Variants in CNTNAP2 observed in about 807,000 individuals in gnomAD.
The protein encoded by CNTNAP2 is contactin-associated protein-like 2.
A neutral mutation model predicts 155.2 loss-of-function variants in CNTNAP2; 98 were observed. That is an observed-to-expected ratio of 0.63 (90% confidence interval 0.54 to 0.75). The LOEUF (loss-of-function observed/expected upper bound fraction) is 0.75. Among genes scored for constraint, CNTNAP2 ranks in the 30% least tolerant of loss-of-function variants. The pLI, the probability that CNTNAP2 is intolerant of heterozygous loss-of-function variation, is 0.00. For missense variants in CNTNAP2, 1,727 were observed against 1,688.1 expected, an observed-to-expected ratio of 1.02 and a Z score of -0.40; for synonymous variants, 651 against 631.2, an observed-to-expected ratio of 1.03 and a Z score of -0.47.
Position 148,218,023 on chromosome 7 carries a change from G to A in CNTNAP2, c.3247+499G>A, listed in dbSNP as rs1005069422. 2.6e-5 allele frequency among the ~76,000 whole-genome samples: 4 copies of A among 152,304 alleles called. No homozygotes were observed. In the East Asian group the frequency reaches 7.7e-4, roughly 29 times the overall value. On this transcript the variant is annotated intron_variant, in intron 19 of 23. Coordinates refer to ENST00000361727, the MANE Select transcript of CNTNAP2 (RefSeq NM_014141.6). ...GCCTGTAGTCCCAGCTACTCAGGAG[G>A]CCAAGATGGGAGGATCACTTGAGCC...
intron 1 of CNTNAP2, among the ~76,000 whole-genome samples, chr7:146,624,828 G>C (rs1392800930): frequency 6.6e-6 from 1 of 151,940 alleles, no homozygotes; most frequent in Non-Finnish European, 1.5e-5. Flanking sequence ...TTGACATTTA[G>C]AAGTATTGAG....
chr7:148,295,747 T>G (rs945909031), intron 21 of CNTNAP2, among the ~76,000 whole-genome samples: 1 of 152,016 alleles, frequency 6.6e-6, no homozygotes, highest in Admixed American at 6.5e-5. Context: ...CGCCTCGGCC[T>G]CCCAAAGTGC....
At chr7:148,342,721 A>T (rs1006672158) in intron 21 of CNTNAP2, among the ~76,000 whole-genome samples, 1 of 152,252 alleles carries the variant, frequency 6.6e-6, no homozygotes. Flanking sequence ...GGAAGAAAAG[A>T]TCTGCTAAAT....
At chr7:147,103,940 G>T (rs1224110983) in intron 4 of CNTNAP2, among the ~76,000 whole-genome samples, 1 of 152,024 alleles carries the variant, frequency 6.6e-6, no homozygotes, top group East Asian at 1.9e-4. Flanking sequence ...ATTGGAAACT[G>T]TTGCAGATTA....
chr7:147,669,891 T>C (rs936091489), intron 13 of CNTNAP2, among the ~76,000 whole-genome samples: 1 of 152,178 alleles, frequency 6.6e-6, no homozygotes, highest in Admixed American at 6.5e-5. Flanking sequence ...CACAAACATT[T>C]CACTAACACC....
At chr7:148,122,806 AC>A (rs1173155371) in intron 16 of CNTNAP2, among the ~76,000 whole-genome samples, 1 of 151,990 alleles carries the variant, frequency 6.6e-6, no homozygotes, top group African/African-American at 2.4e-5. Flanking sequence ...CCGAGATCAC[AC>A]CACTGCACTC....
In CNTNAP2 at chr7:146,963,709, G is replaced by A. The variant is rs537364551; in HGVS notation, c.403-80198G>A. Among the ~76,000 whole-genome samples the A allele has an allele frequency of 2.9e-4, 44 of 152,074 alleles. 1 individual carries two copies. The South Asian group carries it at 8.3e-3, about 29-fold the overall frequency. Reference sequence around the variant, plus strand: ...CAAAATTTCATAGTGTTGAAAAATCGATTTGGTGTTTAATATTTATTTAGA... The same window carrying A: ...CAAAATTTCATAGTGTTGAAAAATCAATTTGGTGTTTAATATTTATTTAGA... On this transcript the variant is annotated intron_variant, in intron 3 of 23. Transcript: ENST00000361727.
chr7:147,618,138 G>A (rs374301760), intron 12 of CNTNAP2, among the ~76,000 whole-genome samples: 132 of 152,206 alleles, frequency 8.7e-4, no homozygotes, highest in African/African-American at 2.8e-3. Flanking sequence ...GAATTTATTC[G>A]TTTTATTAAG....
intron 14 of CNTNAP2, among the ~76,000 whole-genome samples, chr7:147,938,892 G>A (rs1800664793): frequency 6.6e-6 from 1 of 152,142 alleles, no homozygotes; most frequent in African/African-American, 2.4e-5. Flanking sequence ...CCAACTGGAG[G>A]CTTAAGGCTA....
intron 1 of CNTNAP2, among the ~76,000 whole-genome samples, chr7:146,215,256 A>G (rs1799095602): frequency 6.6e-6 from 1 of 152,224 alleles, no homozygotes; most frequent in East Asian, 1.9e-4. Context: ...ATACAAAATA[A>G]TACTTGCGTT....
At chr7:147,362,159 G>A (rs540991885) in intron 9 of CNTNAP2, among the ~76,000 whole-genome samples, 2 of 152,262 alleles carry the variant, frequency 1.3e-5, no homozygotes, top group South Asian at 2.1e-4. Flanking sequence ...TTGAGACTAG[G>A]TCTCGCTCTG....
chr7:147,446,387 T>TA lies in CNTNAP2; in HGVS notation c.1671-39548_1671-39547insA, dbSNP rs1797740694. ...TTCTTCTTGCTTTTAGCTGGGAGAG[T>TA]CCTTAAGTGTATCACTGAAAGTGGT... On this transcript the variant is annotated intron_variant, in intron 10 of 23. Coordinates refer to ENST00000361727, the MANE Select transcript of CNTNAP2 (RefSeq NM_014141.6). Among the ~76,000 whole-genome samples the TA allele has an allele frequency of 4.6e-5, 7 of 152,162 alleles. No homozygotes were observed. The South Asian group carries it at 1.5e-3, about 32-fold the overall frequency.
At chr7:147,043,302 T>A (rs1799294214) in intron 3 of CNTNAP2, among the ~76,000 whole-genome samples, 1 of 152,148 alleles carries the variant, frequency 6.6e-6, no homozygotes, top group African/African-American at 2.4e-5. Flanking sequence ...CAATGTGAAC[T>A]TTCAGTATCA....
chr7:147,517,028 ATT>A (rs574784224), intron 11 of CNTNAP2, among the ~76,000 whole-genome samples: 3 of 142,260 alleles, frequency 2.1e-5, no homozygotes, highest in Middle Eastern at 3.3e-3. Flanking sequence ...CACCCAGCTA[ATT>A]TTTTTTTTTT....
At chr7:147,337,930 G>T (rs978733996) in intron 9 of CNTNAP2, among the ~76,000 whole-genome samples, 1 of 152,140 alleles carries the variant, frequency 6.6e-6, no homozygotes, top group Non-Finnish European at 1.5e-5. Flanking sequence ...CATGTCAAGA[G>T]AACTGACCTT....
At chr7:146,403,939 A>C (rs1795749788) in intron 1 of CNTNAP2, among the ~76,000 whole-genome samples, 1 of 151,354 alleles carries the variant, frequency 6.6e-6, no homozygotes, top group Non-Finnish European at 1.5e-5. Flanking sequence ...TCCCGGCTAA[A>C]ACGGCGAAAC....
intron 14 of CNTNAP2, among the ~76,000 whole-genome samples, chr7:147,947,770 A>C (rs531955387): frequency 6.6e-6 from 1 of 152,162 alleles, no homozygotes; most frequent in Admixed American, 6.5e-5. Context: ...AATTTCCTTT[A>C]ATTCAAAGCA....
intron 3 of CNTNAP2, among the ~76,000 whole-genome samples, chr7:146,898,927 C>T (rs545685168): frequency 2.0e-4 from 31 of 152,052 alleles, no homozygotes; most frequent in African/African-American, 5.5e-4. Context: ...CCATTGCAAA[C>T]GCCACTGAAA....
At chr7:147,667,438 A>G (rs1795713803) in intron 13 of CNTNAP2, among the ~76,000 whole-genome samples, 1 of 152,178 alleles carries the variant, frequency 6.6e-6, no homozygotes. Context: ...GAAACTTTTA[A>G]TGATATGGCA....
Sources: gnomAD v4.1 joint callset for allele counts (sites outside exome capture counted in the v4.1 genomes callset) on GRCh38, gnomAD v4.1.1 for gene constraint, MANE v1.5 for transcripts, NCBI Gene and HGNC (gene_info 2026-07-23, HGNC 2026-07-21) for gene names.